SNTG1: variants seen among roughly 807,000 people sequenced by gnomAD.
The protein encoded by SNTG1 is gamma-1-syntrophin.
In SNTG1, 39 loss-of-function variants were observed where a neutral mutation model predicts 74.7. That is an observed-to-expected ratio of 0.52 (90% CI 0.40 to 0.68). The LOEUF is 0.68. SNTG1 is among the 30% of genes least tolerant of loss of function. The pLI, the probability that SNTG1 is intolerant of heterozygous loss-of-function variation, is 0.00. For missense variants in SNTG1, 685 were observed against 609.5 expected, an observed-to-expected ratio of 1.12 and a Z score of -1.30; for synonymous variants, 254 against 217.1, an observed-to-expected ratio of 1.17 and a Z score of -1.49.
chr8:50,432,186 AT>A (rs1049674268), intron 4 of SNTG1, among the ~76,000 whole-genome samples: 2 of 152,104 alleles, frequency 1.3e-5, no homozygotes, highest in African/African-American at 4.8e-5. Flanking sequence ...CACTGTGTTA[AT>A]TTTTGTGAAG....
At chr8:50,405,799 T>G (rs532286930) in intron 4 of SNTG1, among the ~76,000 whole-genome samples, 1 of 152,132 alleles carries the variant, frequency 6.6e-6, no homozygotes, top group Admixed American at 6.6e-5. Context: ...TTGGTTATAT[T>G]TTAAGTTAAC....
chr8:50,047,481 AG>A (rs1819195444), intron 1 of SNTG1, among the ~76,000 whole-genome samples: 1 of 152,186 alleles, frequency 6.6e-6, no homozygotes, highest in Non-Finnish European at 1.5e-5. Context: ...GTTAGATCCA[AG>A]GAAGGACTCA....
rs185747597 is a variant in SNTG1, at chr8:49,958,701, G to C, written c.-103+46470G>C. On this transcript the variant is annotated intron_variant, in intron 1 of 18. Transcript: ENST00000642720. ...CCCAAAGTGCTGGGATTACAGGCGT[G>C]AGCCACTACGCCCAGCCAACATTTT... 1.3e-3 allele frequency among the ~76,000 whole-genome samples: 191 copies of C among 152,338 alleles called. 1 individual carries two copies. Among genetic ancestry groups the C allele is most frequent in the South Asian group, 2.5e-3 (12 of 4,830 alleles).
intron 14 of SNTG1, among the ~76,000 whole-genome samples, chr8:50,657,506 A>G (rs778450339): frequency 6.0e-4 from 92 of 152,176 alleles, no homozygotes; most frequent in Non-Finnish European, 1.2e-3. Flanking sequence ...CAGCACTTTT[A>G]ATTACTAGTA....
chr8:50,784,320 A>C (rs1427814590), intron 18 of SNTG1, among the ~76,000 whole-genome samples: 1 of 152,192 alleles, frequency 6.6e-6, no homozygotes, highest in Non-Finnish European at 1.5e-5. Context: ...CTAAACACAC[A>C]TGTAGGTTGC....
chr8:50,343,209 C>T (rs1022667303), intron 2 of SNTG1, among the ~76,000 whole-genome samples: 1 of 152,120 alleles, frequency 6.6e-6, no homozygotes, highest in South Asian at 2.1e-4. Flanking sequence ...GCTTTCAAAC[C>T]CACACTAAAA....
At chr8:50,294,843 A>C (rs955878958) in intron 2 of SNTG1, among the ~76,000 whole-genome samples, 1 of 152,318 alleles carries the variant, frequency 6.6e-6, no homozygotes, top group Admixed American at 6.5e-5. Context: ...AGCAGGAAAA[A>C]TTAGTAAGGA....
At chr8:50,060,423 G>A (rs995635799) in intron 1 of SNTG1, among the ~76,000 whole-genome samples, 1 of 151,964 alleles carries the variant, frequency 6.6e-6, no homozygotes, top group Non-Finnish European at 1.5e-5. Flanking sequence ...TCACATCTAA[G>A]CTTTATTCCA....
intron 1 of SNTG1, among the ~76,000 whole-genome samples, chr8:49,991,325 C>T (rs1424189260): frequency 6.6e-6 from 1 of 151,948 alleles, no homozygotes. Flanking sequence ...AAATTGGAGC[C>T]CCGATGCAAG....
rs998076250 is a variant in SNTG1, at chr8:50,102,798, C to T, written c.-102-69763C>T. Among the ~76,000 whole-genome samples the T allele has an allele frequency of 2.4e-4, 36 of 150,332 alleles. No individual in the cohort carries two copies. The South Asian group carries it at 6.7e-3, about 28-fold the overall frequency. On this transcript the variant is annotated intron_variant, in intron 1 of 18. Transcript: ENST00000642720. ...CATATGGCTAGCCAGTTTTCCCAGC[C>T]CCATTTATTAAATAGGGAATCCTTT... is the stretch of plus-strand genomic sequence containing the variant.
chr8:50,731,376 T>C (rs551801240), intron 17 of SNTG1, among the ~76,000 whole-genome samples: 3 of 152,202 alleles, frequency 2.0e-5, no homozygotes, highest in South Asian at 4.2e-4. Context: ...GGGAGACAAA[T>C]TGGCATATTT....
At chr8:50,712,487 A>AT (rs1160723755) in intron 17 of SNTG1, among the ~76,000 whole-genome samples, 2 of 152,008 alleles carry the variant, frequency 1.3e-5, no homozygotes, top group Non-Finnish European at 2.9e-5. Flanking sequence ...TCTTTTTCTT[A>AT]TTTTTTATTT....
intron 17 of SNTG1, among the ~76,000 whole-genome samples, chr8:50,736,912 A>G (rs913023924): frequency 6.6e-6 from 1 of 152,162 alleles, no homozygotes; most frequent in Admixed American, 6.6e-5. Context: ...CAGCTAAAGC[A>G]GTGTTTAGAG....
At chr8:49,968,617 T>C (rs530255867) in intron 1 of SNTG1, among the ~76,000 whole-genome samples, 1 of 152,208 alleles carries the variant, frequency 6.6e-6, no homozygotes, top group African/African-American at 2.4e-5. Context: ...GGAAATAATA[T>C]CAATTTGGGA....
Position 50,562,337 on chromosome 8 carries a change from G to T in SNTG1, c.810+9158G>T, listed in dbSNP as rs112250827. Among the ~76,000 whole-genome samples, 220 of 152,238 alleles carry T rather than the reference G, an allele frequency of 1.4e-3. 2 individuals are homozygous for T. The highest frequency in any genetic ancestry group is 5.0e-3 in the African/African-American group (206 of 41,550). On this transcript the variant is annotated intron_variant, in intron 12 of 18. Transcript: ENST00000642720. ...GAAATTAGCCTAGATTATCCAAGTGGGTCTAATGTGATTCTCTACAAGTGT... is the reference window on the plus strand; with the variant it reads ...GAAATTAGCCTAGATTATCCAAGTGTGTCTAATGTGATTCTCTACAAGTGT...
intron 2 of SNTG1, among the ~76,000 whole-genome samples, chr8:50,371,330 C>A (rs532858371): frequency 6.6e-5 from 10 of 152,294 alleles, no homozygotes; most frequent in Middle Eastern, 3.4e-3. Flanking sequence ...CATCAGGCCT[C>A]AGCAAGCCCT....
At chr8:50,034,509 G>A (rs1817986904) in intron 1 of SNTG1, among the ~76,000 whole-genome samples, 1 of 152,118 alleles carries the variant, frequency 6.6e-6, no homozygotes, top group Non-Finnish European at 1.5e-5. Context: ...AGCAGTGAGA[G>A]CAGAGGTTGC....
chr8:50,414,879 T>A (rs1284665345), intron 4 of SNTG1, among the ~76,000 whole-genome samples: 1 of 152,088 alleles, frequency 6.6e-6, no homozygotes, highest in Non-Finnish European at 1.5e-5. Context: ...TGAATCGTTG[T>A]TCGTATGAGG....
chr8:50,194,154 G>A (rs1335638363), intron 2 of SNTG1, among the ~76,000 whole-genome samples: 1 of 152,040 alleles, frequency 6.6e-6, no homozygotes, highest in South Asian at 2.1e-4. Flanking sequence ...TCCTTTCCTG[G>A]TTTAGGTATT....
Sources: allele counts gnomAD v4.1 joint callset (sites outside exome capture counted in the v4.1 genomes callset), GRCh38; gene constraint gnomAD v4.1.1; transcripts MANE v1.5; gene names NCBI Gene and HGNC (gene_info 2026-07-23, HGNC 2026-07-21).